The following MSN variants were observed in gnomAD, a reference collection of about 807,000 sequenced individuals.
The protein encoded by MSN is epididymis luminal protein 70.
A neutral mutation model predicts 48.0 loss-of-function variants in MSN; 2 were observed. That is an observed-to-expected ratio of 0.04 (90% CI 0.02 to 0.13). The LOEUF is 0.13. Ranked by LOEUF, MSN falls within the 10% of genes least tolerant of loss-of-function variation. The pLI is 1.00. For missense variants in MSN, 267 were observed against 470.1 expected, an observed-to-expected ratio of 0.57 and a Z score of 3.99; for synonymous variants, 146 against 166.9, an observed-to-expected ratio of 0.87 and a Z score of 0.97.
intron 12 of MSN, 104 bp from the exon 13 acceptor site, chrX:65,739,625 T>C (rs1424110346): frequency 2.2e-6 from 2 of 904,287 alleles, no homozygotes; most frequent in Admixed American, 3.3e-5. Context: ...AGAGAAAGGG[T>C]GAGGAAGAAA....
intron 1 of MSN, among the ~76,000 whole-genome samples, chrX:65,591,804 A>T (rs2070149000): frequency 9.0e-6 from 1 of 110,836 alleles, no homozygotes; most frequent in Admixed American, 9.6e-5. Context: ...TTAGTGTTAT[A>T]TCTCCCTCTC....
At chrX:65,663,244 G>A (rs2070838109), upstream of MSN, among the ~76,000 whole-genome samples, 1 of 105,924 alleles carries the variant, frequency 9.4e-6, no homozygotes, top group Non-Finnish European at 1.9e-5. Flanking sequence ...GGCAACAAGA[G>A]TGAAACTTTG....
rs1441590143 is a variant in MSN at position 65,735,288 on chromosome X, C to T, written c.817C>T (p.Arg273Trp). The change falls in exon 8 of 13, where the codon CGG becomes TGG. Residue 273 changes from arginine to tryptophan, a missense_variant. Arg to Trp is a moderately radical substitution (Grantham distance 101). Coordinates refer to ENST00000360270, the MANE Select transcript of MSN (RefSeq NM_002444.3). The part of the protein sequence containing the change: ...KAPDFVFYAP[R>W]LRINKRILAL... ...CCAGGACTTCGTCTTCTATGCTCCCCGGCTGCGGATTAACAAGCGGATCTT... is the reference window on the plus strand; with the variant it reads ...CCAGGACTTCGTCTTCTATGCTCCCTGGCTGCGGATTAACAAGCGGATCTT... 5 of 1,209,189 alleles carry T rather than the reference C, an allele frequency of 4.1e-6. No homozygotes were observed. The highest frequency in any genetic ancestry group is 1.8e-5 in the South Asian group (1 of 56,685).
intron 1 of MSN, among the ~76,000 whole-genome samples, chrX:65,677,559 A>G (rs1055489506): frequency 2.7e-5 from 3 of 111,066 alleles, no homozygotes; most frequent in Admixed American, 9.6e-5. Context: ...GGAATTTGAG[A>G]CCAGCCTGGC....
chrX:65,738,857 G>T, intron 11 of MSN, 113 bp from the exon 12 acceptor site: 1 of 748,047 alleles, frequency 1.3e-6, no homozygotes, highest in Non-Finnish European at 2.0e-6. Context: ...GGCAGATGAA[G>T]TGCCTTGTCC....
In MSN at chrX:65,658,435, T is replaced by C. The variant is rs188229356; in HGVS notation, c.-21-58383T>C. On this transcript the variant is annotated intron_variant, in intron 1 of 3. Coordinates refer to the MSN transcript ENST00000609672. ...CAATCTCAGGGGCTTAGTTAATTCT[T>C]CCTGCAAGAAAAACCCAAGAGCAAA... is the stretch of plus-strand genomic sequence containing the variant. Among the ~76,000 whole-genome samples the C allele has an allele frequency of 4.5e-5, 5 of 112,039 alleles. No individual in the cohort carries two copies. In the East Asian group the frequency reaches 1.4e-3, roughly 31 times the overall value.
chrX:65,605,864 CTG>C (rs1185510544), intron 1 of MSN, among the ~76,000 whole-genome samples: 3 of 111,851 alleles, frequency 2.7e-5, no homozygotes, highest in African/African-American at 9.8e-5. Context: ...GAAATTCCTT[CTG>C]TGTGTCACTC....
At chrX:65,619,581 G>T (rs1256071001) in intron 1 of MSN, among the ~76,000 whole-genome samples, 1 of 98,776 alleles carries the variant, frequency 1.0e-5, no homozygotes, top group Admixed American at 1.0e-4. Flanking sequence ...GCACTTCTCT[G>T]TATTGGTTAT....
At chrX:65,625,913 C>T (rs918131568) in intron 1 of MSN, 1 of 106,710 alleles carries the variant, frequency 9.4e-6, no homozygotes, top group Non-Finnish European at 1.9e-5. Context: ...GTACCTTGTC[C>T]AAGTTTTCCT....
chrX:65,678,172 T>C (rs2071020714), intron 1 of MSN, among the ~76,000 whole-genome samples: 1 of 111,597 alleles, frequency 9.0e-6, no homozygotes, highest in South Asian at 3.7e-4. Context: ...CTCAAGTTAC[T>C]CCCTCTCCTT....
chrX:65,595,374 C>T (rs747566069), intron 1 of MSN, among the ~76,000 whole-genome samples: 150 of 111,994 alleles, frequency 1.3e-3, no homozygotes, highest in African/African-American at 4.7e-3. Context: ...TGGCCATGCT[C>T]TCTGCACAGC....
intron 1 of MSN, among the ~76,000 whole-genome samples, chrX:65,699,957 CT>C (rs2071285571): frequency 9.0e-6 from 1 of 110,609 alleles, no homozygotes; most frequent in Non-Finnish European, 1.9e-5. Context: ...TAAAATGGTA[CT>C]TGTCTCGGGC....
At chrX:65,679,454 G>A (rs1350051253) in intron 1 of MSN, among the ~76,000 whole-genome samples, 1 of 111,536 alleles carries the variant, frequency 9.0e-6, no homozygotes, top group Admixed American at 9.5e-5. Context: ...TATGGGCTTG[G>A]GTGGAGCAAA....
intron 1 of MSN, among the ~76,000 whole-genome samples, chrX:65,699,667 T>A: frequency 9.8e-6 from 1 of 101,599 alleles, no homozygotes; most frequent in Non-Finnish European, 2.0e-5. Flanking sequence ...GAGAATGGCG[T>A]GAACCCAGGA....
intron 1 of MSN, among the ~76,000 whole-genome samples, chrX:65,706,892 G>A (rs968581838): frequency 1.8e-5 from 2 of 111,626 alleles, no homozygotes; most frequent in Non-Finnish European, 3.8e-5. Context: ...CCCTCAGCTC[G>A]GAGGTCCATG....
intron 10 of MSN, among the ~76,000 whole-genome samples, chrX:65,738,050 A>T (rs1347728099): frequency 8.9e-6 from 1 of 112,135 alleles, no homozygotes; most frequent in Non-Finnish European, 1.9e-5. Flanking sequence ...GTCATGGGAG[A>T]TTTACCCAAG....
chrX:65,666,113 A>T (rs2070866301), upstream of MSN, among the ~76,000 whole-genome samples: 1 of 110,034 alleles, frequency 9.1e-6, no homozygotes, highest in Non-Finnish European at 1.9e-5. Flanking sequence ...CCCGGAAGCG[A>T]TTCTCCTGCC....
intron 1 of MSN, among the ~76,000 whole-genome samples, chrX:65,659,771 A>T (rs760266947): frequency 9.0e-6 from 1 of 111,473 alleles, no homozygotes; most frequent in Non-Finnish European, 1.9e-5. Context: ...CTTGTCTAAA[A>T]ACCCAAATCT....
intron 1 of MSN, among the ~76,000 whole-genome samples, chrX:65,695,982 C>T: frequency 9.6e-6 from 1 of 103,945 alleles, no homozygotes; most frequent in Non-Finnish European, 1.9e-5. Context: ...TAATCTTTTT[C>T]TTGTGACAGT....
Sources: allele counts gnomAD v4.1 joint callset (sites outside exome capture counted in the v4.1 genomes callset), GRCh38; gene constraint gnomAD v4.1.1; transcripts MANE v1.5; gene names NCBI Gene and HGNC (gene_info 2026-07-23, HGNC 2026-07-21).